GCN1: variants seen among roughly 807,000 people sequenced by gnomAD.
The protein encoded by GCN1 is GCN1 activator of EIF2AK4.
Under a neutral mutation model 288.4 loss-of-function variants are expected in GCN1, and 90 were observed. The observed-to-expected ratio is 0.31, with a 90% CI of 0.26 to 0.37. The LOEUF is 0.37. GCN1 is among the 10% of genes least tolerant of loss of function. GCN1 has a pLI of 1.00. For missense variants in GCN1, 2,586 were observed against 3,419.9 expected, an observed-to-expected ratio of 0.76 and a Z score of 6.08; for synonymous variants, 1,386 against 1,420.2, an observed-to-expected ratio of 0.98 and a Z score of 0.54.
Position 120,149,709 on chromosome 12 carries a change from G to T in GCN1, c.4443C>A (p.Asp1481Glu), listed in dbSNP as rs756217232. Residue 1481 changes from aspartate to glutamate, a missense_variant, in exon 36 of 58, where the codon GAC becomes GAA. Physicochemically the swap from Asp to Glu is conservative, Grantham distance 45 (BLOSUM62 2). This residue lies in a region of GCN1 where 371 missense variants were observed against 572.6 expected (regional missense o/e 0.65). Coordinates refer to ENST00000300648, the MANE Select transcript of GCN1 (RefSeq NM_006836.2). ...GNQYVREAAD[D>E]CAKAVMSNLS... is the part of the protein sequence containing the mutation. ...AGTTGCTCATCACAGCCTTGGCACAGTCATCTGCAGCCTCAAGGGGGGAGA... is the reference window on the plus strand; with the variant it reads ...AGTTGCTCATCACAGCCTTGGCACATTCATCTGCAGCCTCAAGGGGGGAGA... The T allele has an allele frequency of 1.3e-5, 21 of 1,613,510 alleles. No individual in the cohort carries two copies. The African/African-American group carries it at 2.4e-4, about 18-fold the overall frequency.
rs1428418387 is a variant in GCN1 at position 120,161,516 on chromosome 12, G to T, written c.2410C>A (p.Gln804Lys). ...RENKAYSFKE[Q>K]IIELELKEEI... Reference sequence around the variant, plus strand: ...TCCTTCAGCTCCAGCTCGATGATCTGCTCTTTGAAGGAATAAGCTTTGTTC... The same window carrying T: ...TCCTTCAGCTCCAGCTCGATGATCTTCTCTTTGAAGGAATAAGCTTTGTTC... Residue 804 changes from glutamine to lysine, a missense_variant, in exon 22 of 58, where the codon CAG becomes AAG. Gln to Lys is a moderately conservative substitution (Grantham distance 53, BLOSUM62 1). Transcript: ENST00000300648. The T allele has an allele frequency of 6.2e-7, 1 of 1,613,392 alleles. No homozygotes were observed.
chr12:120,187,620 T>C (rs778797012), intron 2 of GCN1, among the ~76,000 whole-genome samples: 25 of 151,602 alleles, frequency 1.6e-4, no homozygotes, highest in Non-Finnish European at 3.2e-4. Context: ...TGACACAGGG[T>C]CTCACTCTGT....
chr12:120,152,800 G>A (rs903211264), intron 33 of GCN1, among the ~76,000 whole-genome samples: 5 of 151,784 alleles, frequency 3.3e-5, no homozygotes, highest in African/African-American at 4.8e-5. Flanking sequence ...CACATGTAGA[G>A]GGCCAGAAAA....
chr12:120,138,624 G>A (rs537834114), intron 46 of GCN1, 71 bp downstream of exon 46: 32 of 1,456,720 alleles, frequency 2.2e-5, no homozygotes, highest in African/African-American at 8.3e-5. Context: ...CAGAATAATC[G>A]CCCTGTATTT....
At chr12:120,148,108 T>C in intron 37 of GCN1, 59 bp downstream of exon 37, 2 of 1,297,814 alleles carry the variant, frequency 1.5e-6, no homozygotes, top group Admixed American at 2.0e-5. Context: ...CCCTGCAGTG[T>C]CCAAAGGCTG....
Position 120,155,176 on chromosome 12 carries a change from G to GACA in GCN1, c.3630+64_3630+65insTGT. 6.5e-7 allele frequency: 1 copy of GACA among 1,550,272 alleles called. No individual in the cohort carries two copies. The highest frequency in any genetic ancestry group is 8.9e-7 in the Non-Finnish European group (1 of 1,122,374). ...GAGATTCCTGTCTGGAGCAGTAGCG[G>GACA]GGTGAGCAGAGACCCACCCAACCGC... On this transcript the variant is annotated intron_variant, in intron 30 of 57. Transcript: ENST00000300648. This position sits in a 1 kb window ranked among gnomAD's most constrained non-coding sequence, Gnocchi z 4.9.
rs752220588 is a variant in GCN1 at position 120,162,927 on chromosome 12, T to C, written c.2083A>G (p.Lys695Glu). The C allele has an allele frequency of 1.2e-6, 2 of 1,614,060 alleles. No individual in the cohort carries two copies. The highest frequency in any genetic ancestry group is 2.2e-5 in the East Asian group (1 of 44,892). Residue 695 changes from lysine to glutamate, a missense_variant, in exon 20 of 58, where the codon AAG becomes GAG. Physicochemically the swap from Lys to Glu is moderately conservative, Grantham distance 56. Transcript: ENST00000300648. ...GTGATAAAGGCTTCAGGATCGATCTTCATCCTGGCAAGAAGTGCTGGCCAA... is the reference window on the plus strand; with the variant it reads ...GTGATAAAGGCTTCAGGATCGATCTCCATCCTGGCAAGAAGTGCTGGCCAA... Reference protein sequence around the residue: ...GLWPALLARMKIDPEAFITRH... With the variant: ...GLWPALLARMEIDPEAFITRH...
rs1309318034 is a variant in GCN1 at position 120,131,999 on chromosome 12, G to A, written c.7341C>T (p.Ala2447=). 13 of 1,598,198 alleles carry A rather than the reference G, an allele frequency of 8.1e-6. No homozygotes were observed. The highest frequency in any genetic ancestry group is 1.1e-5 in the South Asian group (1 of 88,638). ...AGGCACACAGTTCCCCTAGGCACCCGGCTGAGGAGATGCGAGTGTTGTCCT... is the reference window on the plus strand; with the variant it reads ...AGGCACACAGTTCCCCTAGGCACCCAGCTGAGGAGATGCGAGTGTTGTCCT... The part of the protein sequence containing the change: ...HDEDNTRISS[A]GCLGELCAFL... The change falls in exon 54 of 58, where the codon GCC becomes GCT. Residue 2447 remains alanine (A), a synonymous_variant. Coordinates refer to ENST00000300648, the MANE Select transcript of GCN1 (RefSeq NM_006836.2).
intron 42 of GCN1, among the ~76,000 whole-genome samples, chr12:120,143,199 A>C (rs898286244): frequency 6.6e-6 from 1 of 152,244 alleles, no homozygotes; most frequent in Non-Finnish European, 1.5e-5. Flanking sequence ...AAGTTATAAA[A>C]AATAAAGTGA....
In GCN1 at chr12:120,137,527, G is replaced by A; in HGVS notation, c.6663+18C>T. On this transcript the variant is annotated intron_variant, in intron 49 of 57. Coordinates refer to ENST00000300648, the MANE Select transcript of GCN1 (RefSeq NM_006836.2). The surrounding 1 kb of genome is among the most constrained non-coding windows in gnomAD (Gnocchi z 5.2). The stretch of plus-strand genomic sequence containing the variant: ...TTCTAAAAGCAAAAGTTGGCTGTGG[G>A]GTCAGCAGTCCCCTCACCTTAGTGA... 1 of 1,609,112 alleles carries A rather than the reference G, an allele frequency of 6.2e-7. No homozygotes were observed. Among genetic ancestry groups the A allele is most frequent in the South Asian group, 1.1e-5 (1 of 91,008 alleles).
At chr12:120,173,588 A>G in intron 14 of GCN1, 65 bp downstream of exon 14, 1 of 902,738 alleles carries the variant, frequency 1.1e-6, no homozygotes, top group Non-Finnish European at 1.8e-6. Context: ...GAACACTAAC[A>G]ATACCCTAAA....
chr12:120,178,319 C>T (rs1289201875), intron 7 of GCN1, among the ~76,000 whole-genome samples: 5 of 152,198 alleles, frequency 3.3e-5, no homozygotes, highest in African/African-American at 1.2e-4. Context: ...CTCCCTTACT[C>T]GCTGGTGTAC....
chr12:120,185,191 G>A (rs1305294021), intron 2 of GCN1, among the ~76,000 whole-genome samples: 2 of 152,212 alleles, frequency 1.3e-5, no homozygotes, highest in African/African-American at 4.8e-5. Context: ...TGATCTGGGT[G>A]CTGGTTATAC....
rs1214931070 is a variant in GCN1, at chr12:120,158,274, A to G, written c.2905+186T>C. ...GAGTTAAAACAGAGATGGGGACACC[A>G]GTGACAAAAAGTAAACCCTCAACTG... is the stretch of plus-strand genomic sequence containing the variant. On this transcript the variant is annotated intron_variant, in intron 25 of 57. Coordinates refer to ENST00000300648, the MANE Select transcript of GCN1 (RefSeq NM_006836.2). This position sits in a 1 kb window ranked among gnomAD's most constrained non-coding sequence, Gnocchi z 4.3. 1.3e-5 allele frequency among the ~76,000 whole-genome samples: 2 copies of G among 152,222 alleles called. No homozygotes were observed. Among genetic ancestry groups the G allele is most frequent in the Non-Finnish European group, 2.9e-5 (2 of 68,028 alleles).
chr12:120,148,688 T>C (rs745595297), intron 36 of GCN1, among the ~76,000 whole-genome samples: 1 of 152,236 alleles, frequency 6.6e-6, no homozygotes, highest in Non-Finnish European at 1.5e-5. Flanking sequence ...GATTTAGATT[T>C]GTGTTGTTTC....
intron 2 of GCN1, 80 bp from the exon 3 acceptor site, chr12:120,184,967 T>C: frequency 3.2e-6 from 3 of 926,628 alleles, no homozygotes; most frequent in Non-Finnish European, 5.3e-6. Flanking sequence ...TGCCCAGACA[T>C]GATCTCAGCC....
chr12:120,142,485 A>G lies in GCN1; in HGVS notation c.5829+22T>C. The G allele has an allele frequency of 6.3e-7, 1 of 1,598,376 alleles. No homozygotes were observed. Among genetic ancestry groups the G allele is most frequent in the Non-Finnish European group, 8.6e-7 (1 of 1,166,262 alleles). ...AGGAGGCACTGGGGCTGCTGGTCCA[A>G]AACAAGGCCCAGGAAACTCACCGTT... On this transcript the variant is annotated intron_variant, in intron 44 of 57. Coordinates refer to ENST00000300648, the MANE Select transcript of GCN1 (RefSeq NM_006836.2). The surrounding 1 kb of genome is among the most constrained non-coding windows in gnomAD (Gnocchi z 4.9).
chr12:120,132,265 T>C (rs1043609096), intron 53 of GCN1, among the ~76,000 whole-genome samples: 3 of 152,170 alleles, frequency 2.0e-5, no homozygotes, highest in Non-Finnish European at 2.9e-5. Context: ...AACCCCAGTG[T>C]GTATGCATAT....
intron 22 of GCN1, among the ~76,000 whole-genome samples, chr12:120,160,943 G>A (rs1360833529): frequency 1.3e-5 from 2 of 152,220 alleles, no homozygotes; most frequent in African/African-American, 2.4e-5. Flanking sequence ...TTTGGATAGG[G>A]TGGACAAGCT....
Sources: gnomAD v4.1 joint callset for allele counts (sites outside exome capture counted in the v4.1 genomes callset) on GRCh38, gnomAD v4.1.1 for gene constraint, gnomAD v4.1.1 regional missense constraint, Gnocchi (gnomAD v3.1) non-coding constraint, MANE v1.5 for transcripts, NCBI Gene and HGNC (gene_info 2026-07-23, HGNC 2026-07-21) for gene names.